ASIC2: variants seen among roughly 807,000 people sequenced by gnomAD.
ASIC2 encodes the protein acid sensing ion channel subunit 2.
ASIC2 carries 25 observed loss-of-function variants against 57.3 expected under a neutral mutation model. The observed-to-expected ratio is 0.44, with a 90% CI of 0.32 to 0.61. The LOEUF is 0.61. Ranked by LOEUF, ASIC2 falls within the 20% of genes least tolerant of loss-of-function variation. The pLI is 0.06. For synonymous variants in ASIC2, 319 were observed against 307.5 expected (o/e 1.04, Z -0.39); for missense variants, 641 against 738.1 (o/e 0.87, Z 1.52).
chr17:33,434,474 C>G (rs1010348400), intron 1 of ASIC2, among the ~76,000 whole-genome samples: 2 of 152,058 alleles, frequency 1.3e-5, no homozygotes, highest in African/African-American at 4.8e-5. Flanking sequence ...AAGGAAATAG[C>G]TTATAAAGGA....
intron 1 of ASIC2, among the ~76,000 whole-genome samples, chr17:34,069,065 T>C (rs1909281788): frequency 6.6e-6 from 1 of 152,206 alleles, no homozygotes; most frequent in Admixed American, 6.5e-5. Flanking sequence ...GGGCTACTCC[T>C]ACCCCTCTGA....
intron 1 of ASIC2, among the ~76,000 whole-genome samples, chr17:33,509,094 G>A (rs1446223996): frequency 1.5e-4 from 23 of 152,172 alleles, no homozygotes. Context: ...GTTAATGAAT[G>A]TAAAGTGCTT....
chr17:33,200,505 C>T (rs1243533852), intron 1 of ASIC2, among the ~76,000 whole-genome samples: 1 of 152,172 alleles, frequency 6.6e-6, no homozygotes. Flanking sequence ...GGCTCCTTCT[C>T]CAGTCCTTCT....
chr17:33,097,999 A>G (rs1192388018), intron 2 of ASIC2, among the ~76,000 whole-genome samples: 1 of 152,178 alleles, frequency 6.6e-6, no homozygotes, highest in Non-Finnish European at 1.5e-5. Flanking sequence ...TCTTAGTCCC[A>G]CTACTGAGAC....
intron 1 of ASIC2, among the ~76,000 whole-genome samples, chr17:33,237,373 G>T (rs1032019478): frequency 6.7e-6 from 1 of 150,260 alleles, no homozygotes; most frequent in Non-Finnish European, 1.5e-5. Flanking sequence ...TTTTTAATAC[G>T]GAGTTGTGCT....
chr17:34,140,335 G>A (rs2142135652), intron 1 of ASIC2, among the ~76,000 whole-genome samples: 1 of 152,330 alleles, frequency 6.6e-6, no homozygotes, highest in Admixed American at 6.5e-5. Context: ...TGTGCTGTTA[G>A]ACTGGAATAA....
intron 1 of ASIC2, among the ~76,000 whole-genome samples, chr17:34,150,611 T>C (rs1904477685): frequency 6.6e-6 from 1 of 152,192 alleles, no homozygotes. Context: ...GCCCAAGCAC[T>C]TCATGATTCT....
chr17:33,365,633 A>C (rs919052241), intron 1 of ASIC2, among the ~76,000 whole-genome samples: 1 of 152,046 alleles, frequency 6.6e-6, no homozygotes, highest in East Asian at 1.9e-4. Context: ...GTGTCAGAAG[A>C]CCCTTAAACA....
intron 1 of ASIC2, among the ~76,000 whole-genome samples, chr17:33,315,056 T>C (rs553930200): frequency 6.6e-6 from 1 of 152,338 alleles, no homozygotes; most frequent in South Asian, 2.1e-4. Flanking sequence ...CCTTATTATC[T>C]GTGTGACCCA....
chr17:33,333,749 A>G (rs565002666), intron 1 of ASIC2, among the ~76,000 whole-genome samples: 12 of 152,248 alleles, frequency 7.9e-5, no homozygotes, highest in Non-Finnish European at 1.3e-4. Context: ...TTAGAAAATC[A>G]TCTGCCTGTG....
At chr17:33,029,573 T>A (rs1450697515) in intron 3 of ASIC2, among the ~76,000 whole-genome samples, 1 of 152,356 alleles carries the variant, frequency 6.6e-6, no homozygotes, top group East Asian at 1.9e-4. Flanking sequence ...TTGGTAATCA[T>A]GAAAAAACTC....
At chr17:33,217,396 A>G (rs771999764) in intron 1 of ASIC2, among the ~76,000 whole-genome samples, 4 of 152,244 alleles carry the variant, frequency 2.6e-5, no homozygotes, top group African/African-American at 4.8e-5. Context: ...TGAAATGCAC[A>G]CACACACAAA....
chr17:33,395,716 G>T (rs891968675), intron 1 of ASIC2, among the ~76,000 whole-genome samples: 2 of 152,182 alleles, frequency 1.3e-5, no homozygotes, highest in African/African-American at 2.4e-5. Flanking sequence ...TTCTGTCTCT[G>T]GCCTTATGAT....
At chr17:33,866,557 A>G (rs943368219) in intron 1 of ASIC2, among the ~76,000 whole-genome samples, 8 of 152,186 alleles carry the variant, frequency 5.3e-5, no homozygotes, top group Non-Finnish European at 8.8e-5. Flanking sequence ...CAAAGAGTAT[A>G]TGTATTTAAA....
chr17:33,703,470 A>C (rs1005873490), intron 1 of ASIC2, among the ~76,000 whole-genome samples: 7 of 151,904 alleles, frequency 4.6e-5, no homozygotes, highest in Non-Finnish European at 1.5e-5. Context: ...CTCCCACCTC[A>C]GCTTTCCGAA....
chr17:34,006,789 A>T (rs1052604288), intron 1 of ASIC2: 1 of 152,176 alleles, frequency 6.6e-6, no homozygotes, highest in Non-Finnish European at 1.5e-5. Context: ...ACTCCTGGGC[A>T]TAGGAACTAG....
chr17:33,734,827 T>G (rs1218853200), intron 1 of ASIC2, among the ~76,000 whole-genome samples: 2 of 152,180 alleles, frequency 1.3e-5, no homozygotes, highest in African/African-American at 4.8e-5. Flanking sequence ...CCAACCCTGC[T>G]TGCACATTCA....
intron 1 of ASIC2, among the ~76,000 whole-genome samples, chr17:33,371,401 A>G (rs576762945): frequency 2.0e-5 from 3 of 152,354 alleles, no homozygotes; most frequent in African/African-American, 7.2e-5. Context: ...GCTGAAAGCA[A>G]GAGGCTCACA....
chr17:33,850,133 C>G (rs1413631588), intron 1 of ASIC2, among the ~76,000 whole-genome samples: 1 of 152,130 alleles, frequency 6.6e-6, no homozygotes. Context: ...CAGGTGCTCA[C>G]AAAATCAGGG....
Sources: gnomAD v4.1 joint callset for allele counts (sites outside exome capture counted in the v4.1 genomes callset) on GRCh38, gnomAD v4.1.1 for gene constraint, MANE v1.5 for transcripts, NCBI Gene and HGNC (gene_info 2026-07-23, HGNC 2026-07-21) for gene names.